The following BORCS5 variants were observed in gnomAD, a reference collection of about 807,000 sequenced individuals.
BORCS5 encodes BLOC-1 related complex subunit 5, also known as BLOC-1-related complex subunit 5.
BORCS5 carries 17 observed loss-of-function variants against 22.1 expected under a neutral mutation model. That is an observed-to-expected ratio of 0.77 (90% CI 0.53 to 1.15). The LOEUF (loss-of-function observed/expected upper bound fraction) is 1.15, where lower values mean the gene tolerates loss of function less well. Ranked by LOEUF, BORCS5 falls within the 50% of genes most tolerant of loss-of-function variation. The pLI, the probability that BORCS5 is intolerant of heterozygous loss-of-function variation, is 0.00. For missense variants in BORCS5, 247 were observed against 253.2 expected, an observed-to-expected ratio of 0.98 and a Z score of 0.17; for synonymous variants, 117 against 99.8, an observed-to-expected ratio of 1.17 and a Z score of -1.03.
In BORCS5 at chr12:12,468,914, A is replaced by G. The variant is rs1943242810; in HGVS notation, c.*3138A>G. 6.6e-6 allele frequency: 1 copy of G among 152,166 alleles called. No homozygotes were observed. The highest frequency in any genetic ancestry group is 6.5e-5 in the Admixed American group (1 of 15,278). 9.4% of individuals were successfully genotyped at this position (152,166 alleles called of 1,614,324 possible). ...ATGGTTTTATAGACCACACATATATAGTTTCCTGTGTCTTAGATGATAACA... is the reference window on the plus strand; with the variant it reads ...ATGGTTTTATAGACCACACATATATGGTTTCCTGTGTCTTAGATGATAACA... On this transcript the variant is annotated 3_prime_UTR_variant, in exon 4 of 4. Transcript: ENST00000314565.
intron 3 of BORCS5, among the ~76,000 whole-genome samples, chr12:12,448,691 G>A (rs572655137): frequency 6.6e-6 from 1 of 151,848 alleles, no homozygotes; most frequent in East Asian, 1.9e-4. Context: ...ATCATGCCTG[G>A]CTAATTTTTG....
chr12:12,453,434 A>G (rs1942948192), intron 3 of BORCS5, among the ~76,000 whole-genome samples: 1 of 152,144 alleles, frequency 6.6e-6, no homozygotes, highest in Admixed American at 6.6e-5. Context: ...TTCCTTTAGG[A>G]TTAAAAATGT....
chr12:12,435,860 C>T, intron 3 of BORCS5, 75 bp downstream of exon 3: 18 of 1,436,058 alleles, frequency 1.3e-5, no homozygotes, highest in Non-Finnish European at 1.7e-5. Flanking sequence ...CATCTTAAGA[C>T]TTGACATTTG....
At chr12:12,438,158 C>T in intron 3 of BORCS5, among the ~76,000 whole-genome samples, 1 of 151,790 alleles carries the variant, frequency 6.6e-6, no homozygotes, top group Non-Finnish European at 1.5e-5. Context: ...CCTTTAAGTT[C>T]AAGACCAGCC....
intron 3 of BORCS5, among the ~76,000 whole-genome samples, chr12:12,441,994 G>A (rs1259362478): frequency 6.6e-6 from 1 of 152,150 alleles, no homozygotes; most frequent in Non-Finnish European, 1.5e-5. Flanking sequence ...AAGGATTCAA[G>A]TTGACAGACA....
At chr12:12,417,993 T>C (rs1942012933) in intron 2 of BORCS5, among the ~76,000 whole-genome samples, 3 of 6,386 alleles carry the variant, frequency 4.7e-4, no homozygotes, top group South Asian at 4.2e-3. Flanking sequence ...AAACCATTTA[T>C]TTATTTATTT....
chr12:12,366,748 G>T (rs1344020595), intron 2 of BORCS5, among the ~76,000 whole-genome samples: 2 of 152,128 alleles, frequency 1.3e-5, no homozygotes, highest in Non-Finnish European at 2.9e-5. Flanking sequence ...TGAAATATTT[G>T]CAAGAGAAAA....
intron 2 of BORCS5, among the ~76,000 whole-genome samples, chr12:12,429,786 A>G (rs1942375182): frequency 6.6e-6 from 1 of 152,196 alleles, no homozygotes; most frequent in African/African-American, 2.4e-5. Context: ...GCCACCTGGC[A>G]GCTTGGGCTG....
chr12:12,390,019 T>C (rs1257447729), intron 2 of BORCS5, among the ~76,000 whole-genome samples: 1 of 152,118 alleles, frequency 6.6e-6, no homozygotes, highest in Non-Finnish European at 1.5e-5. Flanking sequence ...CTGTTTTCTT[T>C]GCTTTCCCAC....
chr12:12,464,998 G>A (rs1943172868), intron 3 of BORCS5, among the ~76,000 whole-genome samples: 1 of 152,102 alleles, frequency 6.6e-6, no homozygotes, highest in Non-Finnish European at 1.5e-5. Context: ...TAGAAACAGG[G>A]TCTCACTGTG....
At chr12:12,383,318 A>G (rs907521269) in intron 2 of BORCS5, among the ~76,000 whole-genome samples, 8 of 151,372 alleles carry the variant, frequency 5.3e-5, no homozygotes, top group Admixed American at 3.3e-4. Flanking sequence ...CTCATGTATA[A>G]TATCTGTATA....
At chr12:12,456,681 T>C (rs953528380) in intron 3 of BORCS5, among the ~76,000 whole-genome samples, 1 of 152,082 alleles carries the variant, frequency 6.6e-6, no homozygotes, top group African/African-American at 2.4e-5. Context: ...ACAGTGGTAA[T>C]AGTTATTCTC....
At chr12:12,463,798 C>T (rs748642214) in intron 3 of BORCS5, among the ~76,000 whole-genome samples, 26 of 152,180 alleles carry the variant, frequency 1.7e-4, no homozygotes, top group Non-Finnish European at 1.8e-4. Context: ...GAACAGTCTT[C>T]ATCAGGTGTG....
At chr12:12,452,873 C>T (rs1251844140) in intron 3 of BORCS5, among the ~76,000 whole-genome samples, 1 of 152,186 alleles carries the variant, frequency 6.6e-6, no homozygotes, top group Non-Finnish European at 1.5e-5. Context: ...CATACCCTAA[C>T]CTTTATAATC....
intron 2 of BORCS5, among the ~76,000 whole-genome samples, chr12:12,363,323 G>A (rs1244069291): frequency 6.6e-6 from 1 of 151,222 alleles, no homozygotes; most frequent in Non-Finnish European, 1.5e-5. Flanking sequence ...AAGCCGGCCA[G>A]GCGCTGCGGC....
intron 2 of BORCS5, 42 bp downstream of exon 2, chr12:12,361,391 G>C: frequency 2.5e-6 from 4 of 1,603,560 alleles, no homozygotes; most frequent in Non-Finnish European, 3.4e-6. Context: ...TGCTGGAGAC[G>C]TTTGTGTAGC....
chr12:12,425,192 G>A (rs1253224082), intron 2 of BORCS5, among the ~76,000 whole-genome samples: 1 of 152,184 alleles, frequency 6.6e-6, no homozygotes, highest in Non-Finnish European at 1.5e-5. Context: ...CTTTGAGATG[G>A]CTGGTGCTAT....
At chr12:12,465,339 C>T (rs567331380) in intron 3 of BORCS5, among the ~76,000 whole-genome samples, 1 of 152,226 alleles carries the variant, frequency 6.6e-6, no homozygotes, top group South Asian at 2.1e-4. Context: ...GGGACAGTCC[C>T]CTCTCAGTTC....
chr12:12,425,201 A>T (rs1017993886), intron 2 of BORCS5, among the ~76,000 whole-genome samples: 1 of 152,236 alleles, frequency 6.6e-6, no homozygotes. Context: ...GGCTGGTGCT[A>T]TTATGATGAC....
Sources: gnomAD v4.1 joint callset for allele counts (sites outside exome capture counted in the v4.1 genomes callset) on GRCh38, gnomAD v4.1.1 for gene constraint, MANE v1.5 for transcripts, NCBI Gene and HGNC (gene_info 2026-07-23, HGNC 2026-07-21) for gene names.